The following RAD51AP1 variants were observed in gnomAD, a reference collection of about 807,000 sequenced individuals.
RAD51AP1 encodes the protein RAD51 associated protein 1, also known as RAD51-associated protein 1.
A neutral mutation model predicts 34.3 loss-of-function variants in RAD51AP1; 14 were observed. That is an observed-to-expected ratio of 0.41 (90% CI 0.27 to 0.64). The LOEUF (loss-of-function observed/expected upper bound fraction) is 0.64, where lower values mean the gene tolerates loss of function less well. Ranked by LOEUF, RAD51AP1 falls within the 30% of genes least tolerant of loss-of-function variation. The probability of loss-of-function intolerance (pLI) is 0.33; values close to 1 mark genes in which losing one functional copy is unlikely to be tolerated. For synonymous variants in RAD51AP1, 114 were observed against 129.8 expected, an observed-to-expected ratio of 0.88 and a Z score of 0.83; for missense variants, 348 against 386.9, an observed-to-expected ratio of 0.90 and a Z score of 0.84.
At chr12:4,542,675 G>A (rs1456837110) in intron 2 of RAD51AP1, among the ~76,000 whole-genome samples, 1 of 151,938 alleles carries the variant, frequency 6.6e-6, no homozygotes, top group Non-Finnish European at 1.5e-5. Flanking sequence ...TTTTACATGG[G>A]GAAGCATATA....
intron 8 of RAD51AP1, 151 bp from the exon 9 acceptor site, chr12:4,558,706 C>A: frequency 1.1e-6 from 1 of 929,922 alleles, no homozygotes. Flanking sequence ...CTCTTTAGAA[C>A]ATTCTGTTCT....
intron 1 of RAD51AP1, among the ~76,000 whole-genome samples, chr12:4,540,330 GTA>G (rs1944455367): frequency 6.6e-6 from 1 of 152,188 alleles, no homozygotes; most frequent in African/African-American, 2.4e-5. Flanking sequence ...AGTTGTTAAA[GTA>G]TGGTCTACAG....
chr12:4,556,124 T>C (rs557195571), intron 7 of RAD51AP1, among the ~76,000 whole-genome samples: 18 of 152,168 alleles, frequency 1.2e-4, no homozygotes, highest in Non-Finnish European at 2.4e-4. Context: ...AATATCTGTA[T>C]TGGAGTTGTT....
chr12:4,548,868 A>G, intron 6 of RAD51AP1, 32 bp downstream of exon 6: 14 of 1,600,660 alleles, frequency 8.7e-6, no homozygotes, highest in Non-Finnish European at 1.1e-5. Flanking sequence ...AATTAATTCT[A>G]TGGGAATTCA....
At chr12:4,556,307 T>C (rs1304310845) in intron 7 of RAD51AP1, 46 bp from the exon 8 acceptor site, 1 of 1,442,210 alleles carries the variant, frequency 6.9e-7, no homozygotes, top group Non-Finnish European at 9.7e-7. Flanking sequence ...AGACTTACTT[T>C]TTCTTCCTGC....
intron 4 of RAD51AP1, 118 bp from the exon 5 acceptor site, chr12:4,547,974 T>C: frequency 9.7e-7 from 1 of 1,031,068 alleles, no homozygotes; most frequent in Non-Finnish European, 1.4e-6. Flanking sequence ...ATTGTGCCAG[T>C]TGGAGTTTGG....
chr12:4,548,147 C>A lies in RAD51AP1; in HGVS notation c.375C>A (p.Ile125=). The change falls in exon 5 of 9, where the codon ATC becomes ATA. Residue 125 remains isoleucine, a synonymous_variant. Coordinates refer to ENST00000352618, the MANE Select transcript of RAD51AP1 (RefSeq NM_006479.5). ...KIETMNKSPH[I]SNCSVASDYL... is the part of the protein sequence containing the mutation. ...AAACAATGAATAAGTCTCCTCATAT[C>A]TCTAATTGCAGTGTAGCCAGTGATT... 1 of 1,602,760 alleles carries A rather than the reference C, an allele frequency of 6.2e-7. No homozygotes were observed. The highest frequency in any genetic ancestry group is 8.5e-7 in the Non-Finnish European group (1 of 1,177,282).
At chr12:4,548,286 A>G (rs1944521445) in intron 5 of RAD51AP1, 108 bp downstream of exon 5, 1 of 1,420,150 alleles carries the variant, frequency 7.0e-7, no homozygotes. Context: ...ATTTGTCAAG[A>G]CTCTCTTGAT....
chr12:4,541,360 A>G (rs919145299), intron 1 of RAD51AP1, among the ~76,000 whole-genome samples: 2 of 152,230 alleles, frequency 1.3e-5, no homozygotes, highest in African/African-American at 2.4e-5. Flanking sequence ...TCCGTTGCAT[A>G]AAAATGTTAT....
chr12:4,556,408 A>C lies in RAD51AP1; in HGVS notation c.777A>C (p.Pro259=). Residue 259 remains proline, a synonymous_variant, in exon 8 of 9, where the codon CCA becomes CCC. Coordinates refer to ENST00000352618, the MANE Select transcript of RAD51AP1 (RefSeq NM_006479.5). ...TCAAATCAGAATCTCAGTCCTTGCCAAAAAAGGTTTCTCTGTCTTCAGATA... is the reference window on the plus strand; with the variant it reads ...TCAAATCAGAATCTCAGTCCTTGCCCAAAAAGGTTTCTCTGTCTTCAGATA... ...AAVKSESQSL[P]KKVSLSSDTT... The C allele has an allele frequency of 6.2e-7, 1 of 1,613,410 alleles. No homozygotes were observed. The highest frequency in any genetic ancestry group is 8.5e-7 in the Non-Finnish European group (1 of 1,179,428).
chr12:4,541,535 T>C (rs1043248370), intron 1 of RAD51AP1, among the ~76,000 whole-genome samples: 1 of 152,186 alleles, frequency 6.6e-6, no homozygotes, highest in East Asian at 1.9e-4. Context: ...ATGTTAATTA[T>C]GTAGATTATT....
rs117671469 is a variant in RAD51AP1 at position 4,554,971 on chromosome 12, G to A, written c.722-1382G>A. Among the ~76,000 whole-genome samples the A allele has an allele frequency of 3.0e-3, 456 of 152,214 alleles. 2 individuals are homozygous for A. The highest frequency in any genetic ancestry group is 4.8e-3 in the Non-Finnish European group (328 of 67,986). ...TGCACAGTAACTGTATATGGCTAGCGGCTACCATATTGGACAGCACAAAAC... is the reference window on the plus strand; with the variant it reads ...TGCACAGTAACTGTATATGGCTAGCAGCTACCATATTGGACAGCACAAAAC... On this transcript the variant is annotated intron_variant, in intron 7 of 8. Transcript: ENST00000352618.
At chr12:4,557,287 C>A (rs1591776487) in intron 8 of RAD51AP1, among the ~76,000 whole-genome samples, 1 of 152,028 alleles carries the variant, frequency 6.6e-6, no homozygotes, top group African/African-American at 2.4e-5. Flanking sequence ...TCCAATTCTA[C>A]TCCTGTTTTT....
chr12:4,544,317 T>G (rs925250759), intron 3 of RAD51AP1, among the ~76,000 whole-genome samples: 7 of 152,196 alleles, frequency 4.6e-5, no homozygotes, highest in Non-Finnish European at 7.3e-5. Flanking sequence ...AAAAGATGTC[T>G]TCTCCCCATG....
In RAD51AP1 at chr12:4,541,919, A is replaced by G; in HGVS notation, c.53A>G (p.His18Arg). Reference protein sequence around the residue: ...KKPVNYSQFDHSDSDDDFVSA... With the variant: ...KKPVNYSQFDRSDSDDDFVSA... ...CCAGTCAATTACTCACAGTTTGACC[A>G]CTCTGACAGTGATGGTAAGTAAAGC... The change falls in exon 2 of 9, where the codon CAC (histidine) becomes CGC (arginine). Residue 18 changes from histidine (H) to arginine (R), a missense_variant. Physicochemically the swap from His to Arg is conservative, Grantham distance 29. Transcript: ENST00000352618. The G allele has an allele frequency of 6.6e-7, 1 of 1,524,854 alleles. No homozygotes were observed. The highest frequency in any genetic ancestry group is 8.8e-7 in the Non-Finnish European group (1 of 1,133,470). The allele number at this position is 1,524,854 out of a possible 1,614,324, so 94.5% of individuals were successfully genotyped here. A position where few individuals can be genotyped will look rare whatever the true frequency, so the allele number is the denominator to read the frequency against.
At chr12:4,545,826 G>A in intron 3 of RAD51AP1, 2 of 1,612,362 alleles carry the variant, frequency 1.2e-6, no homozygotes, top group Non-Finnish European at 1.7e-6. Context: ...GCAGTGCCTT[G>A]TACAAAGTAA....
rs1451375062 is a variant in RAD51AP1 at position 4,550,379 on chromosome 12, A to G, written c.556+1543A>G. On this transcript the variant is annotated intron_variant, in intron 6 of 8. Coordinates refer to ENST00000352618, the MANE Select transcript of RAD51AP1 (RefSeq NM_006479.5). ...GGATACACAGAAAGTTTTGTTGTAG[A>G]TAATATATTTGGAAAGTTTGGAGAA... The G allele has an allele frequency of 3.9e-5, 6 of 152,336 alleles. No homozygotes were observed. The East Asian group carries it at 1.2e-3, about 29-fold the overall frequency. 9.4% of individuals were successfully genotyped at this position (152,336 alleles called of 1,614,324 possible). A position where few individuals can be genotyped will look rare whatever the true frequency, so the allele number is the denominator to read the frequency against.
intron 3 of RAD51AP1, among the ~76,000 whole-genome samples, chr12:4,544,858 C>G (rs1294584629): frequency 6.6e-6 from 1 of 152,048 alleles, no homozygotes; most frequent in African/African-American, 2.4e-5. Context: ...GCTGTGAGGG[C>G]AATGCAAATC....
chr12:4,553,706 T>C (rs150277249), intron 7 of RAD51AP1, among the ~76,000 whole-genome samples: 40 of 152,224 alleles, frequency 2.6e-4, no homozygotes, highest in African/African-American at 9.2e-4. Flanking sequence ...ACGTTTAAAA[T>C]TTATGGTGAC....
Sources: gnomAD v4.1 joint callset for allele counts (sites outside exome capture counted in the v4.1 genomes callset) on GRCh38, gnomAD v4.1.1 for gene constraint, MANE v1.5 for transcripts, NCBI Gene and HGNC (gene_info 2026-07-23, HGNC 2026-07-21) for gene names.